HIP1: variants seen among roughly 807,000 people sequenced by gnomAD.
HIP1 encodes the protein huntingtin-interacting protein 1.
HIP1 carries 65 observed loss-of-function variants against 147.6 expected under a neutral mutation model. That is an observed-to-expected ratio of 0.44 (90% confidence interval 0.36 to 0.54). The LOEUF (loss-of-function observed/expected upper bound fraction) is 0.54, where lower values mean the gene tolerates loss of function less well. Ranked by LOEUF, HIP1 falls within the 20% of genes least tolerant of loss-of-function variation. HIP1 has a pLI of 0.00. For synonymous variants in HIP1, 479 were observed against 504.0 expected (o/e 0.95, Z 0.67); for missense variants, 1,061 against 1,299.6 (o/e 0.82, Z 2.82).
chr7:75,552,581 T>C (rs1205230485), intron 22 of HIP1, among the ~76,000 whole-genome samples: 5 of 152,126 alleles, frequency 3.3e-5, no homozygotes, highest in African/African-American at 1.2e-4. Flanking sequence ...GATATTGAAC[T>C]CCTGGCCTCA....
chr7:75,685,625 T>C (rs1440927388), intron 1 of HIP1, among the ~76,000 whole-genome samples: 3 of 152,256 alleles, frequency 2.0e-5, no homozygotes. Flanking sequence ...CTCAGCTCAT[T>C]GCAGCCTCCA....
At chr7:75,669,342 T>C (rs543390878) in intron 1 of HIP1, among the ~76,000 whole-genome samples, 14 of 151,660 alleles carry the variant, frequency 9.2e-5, no homozygotes, top group Admixed American at 2.0e-4. Flanking sequence ...CACTGCACTC[T>C]AGCCTGGGCG....
intron 1 of HIP1, among the ~76,000 whole-genome samples, chr7:75,713,013 C>T (rs1801205605): frequency 6.6e-6 from 1 of 152,230 alleles, no homozygotes; most frequent in South Asian, 2.1e-4. Flanking sequence ...TATTCATTCA[C>T]TCACTCAACA....
intron 2 of HIP1, among the ~76,000 whole-genome samples, chr7:75,597,524 G>A (rs1796791630): frequency 6.6e-6 from 1 of 152,100 alleles, no homozygotes; most frequent in Non-Finnish European, 1.5e-5. Context: ...AGGATTGCTT[G>A]AGCTCAGGAG....
chr7:75,572,226 A>G (rs1347128298), intron 8 of HIP1, among the ~76,000 whole-genome samples: 6 of 98,260 alleles, frequency 6.1e-5, no homozygotes, highest in East Asian at 2.4e-4. Flanking sequence ...TCTGTCTCAG[A>G]AAAAAAAAAA....
At chr7:75,719,660 A>G (rs564291160) in intron 1 of HIP1, among the ~76,000 whole-genome samples, 6 of 152,086 alleles carry the variant, frequency 3.9e-5, no homozygotes, top group Non-Finnish European at 5.9e-5. Context: ...GGCTCAAGTG[A>G]TCCACTCGCC....
intron 13 of HIP1, 46 bp from the exon 14 acceptor site, chr7:75,559,961 G>A: frequency 1.3e-6 from 2 of 1,515,770 alleles, no homozygotes; most frequent in Non-Finnish European, 1.8e-6. Context: ...ACTGCCACGG[G>A]TCACGGGCAT....
At chr7:75,551,478 G>T (rs1190345574) in intron 22 of HIP1, among the ~76,000 whole-genome samples, 3 of 150,986 alleles carry the variant, frequency 2.0e-5, no homozygotes, top group Non-Finnish European at 4.4e-5. Context: ...GCCTCCCAAA[G>T]TGCTGGGATT....
At chr7:75,633,662 G>A (rs1489870545) in intron 1 of HIP1, among the ~76,000 whole-genome samples, 1 of 152,090 alleles carries the variant, frequency 6.6e-6, no homozygotes, top group Non-Finnish European at 1.5e-5. Context: ...TGAAAACGCT[G>A]CTCTGTTTGC....
At position 75,664,129 on chromosome 7, in the gene HIP1, CATGTGTGT is replaced by C. The variant is rs1563278793; in HGVS notation, c.121-64890_121-64883del. 1.5e-4 allele frequency among the ~76,000 whole-genome samples: 6 copies of C among 38,958 alleles called. 1 individual carries two copies. Among genetic ancestry groups the C allele is most frequent in the African/African-American group, 7.4e-4 (4 of 5,440 alleles). The allele number at this position is 38,958 out of a possible 152,430, so 25.6% of individuals were successfully genotyped here. A position where few individuals can be genotyped will look rare whatever the true frequency, so the allele number is the denominator to read the frequency against. On this transcript the variant is annotated intron_variant, in intron 1 of 30. Coordinates refer to ENST00000336926, the MANE Select transcript of HIP1 (RefSeq NM_005338.7). ...ATACATGTATGCATATATGCACACA[CATGTGTGT>C]ACATACATACATGTATGTGTGTATA...
chr7:75,598,145 T>G (rs1244147746), intron 2 of HIP1, among the ~76,000 whole-genome samples: 2 of 152,174 alleles, frequency 1.3e-5, no homozygotes, highest in Non-Finnish European at 2.9e-5. Context: ...CCAGGCATGG[T>G]GGCTCATGCC....
At chr7:75,583,216 G>A (rs1214312504) in intron 5 of HIP1, among the ~76,000 whole-genome samples, 1 of 151,968 alleles carries the variant, frequency 6.6e-6, no homozygotes, top group African/African-American at 2.4e-5. Context: ...CATCATGACT[G>A]GTGGCCTGGC....
At chr7:75,611,466 C>CA (rs11390672) in intron 1 of HIP1, among the ~76,000 whole-genome samples, 22,677 of 87,162 alleles carry the variant, frequency 0.26, 2,779 homozygotes, top group African/African-American at 0.39. Context: ...GACTCTGTCT[C>CA]AAAAAAAAAA....
chr7:75,735,668 T>TTTTC (rs1379526203), intron 1 of HIP1, among the ~76,000 whole-genome samples: 3 of 151,366 alleles, frequency 2.0e-5, no homozygotes, highest in Admixed American at 6.6e-5. Flanking sequence ...GGCTGTTCTC[T>TTTTC]TTTCTTTTCT....
intron 18 of HIP1, 82 bp from the exon 19 acceptor site, chr7:75,555,633 C>A: frequency 6.7e-7 from 1 of 1,482,212 alleles, no homozygotes; most frequent in Non-Finnish European, 9.3e-7. Context: ...GGGCTCTTAG[C>A]ATCTTAGCTC....
rs781797045 is a variant in HIP1 at position 75,599,170 on chromosome 7, A to G, written c.184+14T>C. ...CCTCAGGGTCGGTCTTCCAAGCAAC[A>G]TCCAAAAGGATATTTCTGGCGTGTT... On this transcript the variant is annotated intron_variant, in intron 2 of 30. Coordinates refer to ENST00000336926, the MANE Select transcript of HIP1 (RefSeq NM_005338.7). 1.2e-6 allele frequency: 2 copies of G among 1,606,624 alleles called. No individual in the cohort carries two copies. Among genetic ancestry groups the G allele is most frequent in the Non-Finnish European group, 1.7e-6 (2 of 1,173,252 alleles).
Position 75,537,682 on chromosome 7 carries a change from C to CATTAAAAAA in HIP1, c.*489_*490insTTTTTTAAT. 34 of 237,962 alleles carry CATTAAAAAA rather than the reference C, an allele frequency of 1.4e-4. No individual in the cohort carries two copies. Among genetic ancestry groups the CATTAAAAAA allele is most frequent in the South Asian group, 1.0e-3 (6 of 5,998 alleles). The allele number at this position is 237,962 out of a possible 1,614,324, so 14.7% of individuals were successfully genotyped here. A position where few individuals can be genotyped will look rare whatever the true frequency, so the allele number is the denominator to read the frequency against. ...TCAGGGTAGTGTCCTGGTTTGGAATCCATCAGCCCTCTGATGCTCACAAGT... is the reference window on the plus strand; with the variant it reads ...TCAGGGTAGTGTCCTGGTTTGGAATCATTAAAAAACATCAGCCCTCTGATGCTCACAAGT... On this transcript the variant is annotated 3_prime_UTR_variant, in exon 31 of 31. Transcript: ENST00000336926.
At chr7:75,555,086 A>G (rs1554492933) in intron 19 of HIP1, among the ~76,000 whole-genome samples, 1 of 146,510 alleles carries the variant, frequency 6.8e-6, no homozygotes, top group Non-Finnish European at 1.5e-5. Context: ...ACTTGGGAGA[A>G]TGAGTGGGGA....
intron 2 of HIP1, 80 bp from the exon 3 acceptor site, chr7:75,592,594 G>GCTCAGTCCCCTGCAGT: frequency 2.1e-6 from 3 of 1,459,630 alleles, no homozygotes; most frequent in South Asian, 1.2e-5. Flanking sequence ...GCCACTGCAG[G>GCTCAGTCCCCTGCAGT]GGACTGAGCC....
Sources: gnomAD v4.1 joint callset for allele counts (sites outside exome capture counted in the v4.1 genomes callset) on GRCh38, gnomAD v4.1.1 for gene constraint, MANE v1.5 for transcripts, NCBI Gene and HGNC (gene_info 2026-07-23, HGNC 2026-07-21) for gene names.